The following CTNND2 variants were observed in gnomAD, a reference collection of about 807,000 sequenced individuals.
The protein encoded by CTNND2 is catenin delta 2.
Under a neutral mutation model 144.4 loss-of-function variants are expected in CTNND2, and 22 were observed. That is an observed-to-expected ratio of 0.15 (90% CI 0.11 to 0.22). The LOEUF (loss-of-function observed/expected upper bound fraction) is 0.22, where lower values mean the gene tolerates loss of function less well. Ranked by LOEUF, CTNND2 falls within the 10% of genes least tolerant of loss-of-function variation. The pLI is 1.00. For synonymous variants in CTNND2, 751 were observed against 695.6 expected, an observed-to-expected ratio of 1.08 and a Z score of -1.25; for missense variants, 1,353 against 1,618.8, an observed-to-expected ratio of 0.84 and a Z score of 2.82.
At chr5:11,250,465 C>CTT (rs1743447642) in intron 9 of CTNND2, among the ~76,000 whole-genome samples, 1 of 55,246 alleles carries the variant, frequency 1.8e-5, no homozygotes, top group East Asian at 4.8e-4. Flanking sequence ...TGCTCTCTCT[C>CTT]TCTCTCTCTC....
At chr5:11,030,754 G>GTTTTTTTT (rs61312361) in intron 16 of CTNND2, among the ~76,000 whole-genome samples, 10 of 100,712 alleles carry the variant, frequency 9.9e-5, no homozygotes, top group East Asian at 6.8e-4. Flanking sequence ...TATGGTTTCT[G>GTTTTTTTT]TTTTTTTTTT....
At chr5:11,653,408 G>A (rs903499113) in intron 2 of CTNND2, among the ~76,000 whole-genome samples, 2 of 151,748 alleles carry the variant, frequency 1.3e-5, no homozygotes, top group African/African-American at 2.4e-5. Flanking sequence ...TTATCATTTG[G>A]CTTTTTTATA....
intron 2 of CTNND2, among the ~76,000 whole-genome samples, chr5:11,578,632 G>C (rs1213482676): frequency 1.3e-5 from 2 of 151,984 alleles, no homozygotes; most frequent in Non-Finnish European, 2.9e-5. Flanking sequence ...CTGCACTCCA[G>C]CCTGGGCGAC....
intron 9 of CTNND2, among the ~76,000 whole-genome samples, chr5:11,312,133 TCCTCTCCC>T (rs1751022141): frequency 8.9e-5 from 6 of 67,782 alleles, no homozygotes; most frequent in Non-Finnish European, 1.2e-4. Flanking sequence ...TCCCCATACA[TCCTCTCCC>T]CCACCACACA....
intron 8 of CTNND2, among the ~76,000 whole-genome samples, chr5:11,352,059 C>G (rs547145824): frequency 6.6e-6 from 1 of 152,234 alleles, no homozygotes. Context: ...CAAGTTGATC[C>G]ATCTAAATTC....
intron 2 of CTNND2, among the ~76,000 whole-genome samples, chr5:11,698,962 T>C (rs180832739): frequency 1.1e-4 from 16 of 150,588 alleles, no homozygotes; most frequent in African/African-American, 3.4e-4. Flanking sequence ...ATGCATATTA[T>C]TTTGTGCTAT....
intron 2 of CTNND2, among the ~76,000 whole-genome samples, chr5:11,607,016 G>T (rs1780086503): frequency 1.3e-5 from 2 of 152,222 alleles, no homozygotes; most frequent in South Asian, 4.1e-4. Flanking sequence ...TTGTAAAAAG[G>T]AGAAATTTAG....
intron 1 of CTNND2, among the ~76,000 whole-genome samples, chr5:11,831,164 G>A (rs917410846): frequency 5.3e-5 from 8 of 150,960 alleles, no homozygotes; most frequent in Admixed American, 1.3e-4. Flanking sequence ...TAAAAATTCC[G>A]GCATATATTT....
chr5:11,798,134 T>C (rs4312880), intron 1 of CTNND2, among the ~76,000 whole-genome samples: 135,441 of 151,790 alleles, frequency 0.89, 62,237 homozygotes, highest in East Asian at 1. Context: ...TGGTGGTACA[T>C]GCCTGTAGTC....
intron 12 of CTNND2, among the ~76,000 whole-genome samples, chr5:11,147,670 A>C (rs36135112): frequency 4.0e-5 from 5 of 126,104 alleles, no homozygotes; most frequent in Non-Finnish European, 8.9e-5. Flanking sequence ...GAAAAAAAAA[A>C]AAAAAACTTT....
intron 1 of CTNND2, among the ~76,000 whole-genome samples, chr5:11,805,945 CATGTCAACAGTGT>C (rs1394202428): frequency 6.6e-6 from 1 of 152,136 alleles, no homozygotes; most frequent in African/African-American, 2.4e-5. Flanking sequence ...AATGGTCAGT[CATGTCAACAGTGT>C]ATACACTAAC....
intron 2 of CTNND2, among the ~76,000 whole-genome samples, chr5:11,587,321 G>A (rs1250889989): frequency 6.6e-6 from 1 of 151,922 alleles, no homozygotes; most frequent in African/African-American, 2.4e-5. Context: ...AGATTTCCTA[G>A]CTTTAAGACA....
intron 3 of CTNND2, among the ~76,000 whole-genome samples, chr5:11,540,910 T>C (rs575895311): frequency 1.3e-5 from 2 of 152,172 alleles, no homozygotes; most frequent in South Asian, 4.2e-4. Context: ...CAGGCAGGGG[T>C]TGAGTGAATA....
At chr5:11,383,517 T>C (rs1003167063) in intron 7 of CTNND2, among the ~76,000 whole-genome samples, 1 of 152,212 alleles carries the variant, frequency 6.6e-6, no homozygotes, top group African/African-American at 2.4e-5. Flanking sequence ...AATATTTTCA[T>C]TTCAGTAAAC....
intron 7 of CTNND2, among the ~76,000 whole-genome samples, chr5:11,373,253 C>CT (rs1007274445): frequency 6.6e-6 from 1 of 152,060 alleles, no homozygotes; most frequent in Non-Finnish European, 1.5e-5. Flanking sequence ...CTAGGGTGGA[C>CT]TTTTTTTAAG....
chr5:11,395,448 G>C (rs933159936), intron 6 of CTNND2, among the ~76,000 whole-genome samples: 1 of 152,186 alleles, frequency 6.6e-6, no homozygotes, highest in Non-Finnish European at 1.5e-5. Flanking sequence ...CCAGGTAAGT[G>C]AGTCTACCAG....
chr5:10,976,431 C>CA lies in CTNND2; in HGVS notation c.3418-2719_3418-2718insT, dbSNP rs1382149613. 2.0e-5 allele frequency among the ~76,000 whole-genome samples: 3 copies of CA among 152,118 alleles called. No individual in the cohort carries two copies. The East Asian group carries it at 5.8e-4, about 29-fold the overall frequency. On this transcript the variant is annotated intron_variant, in intron 21 of 21. Transcript: ENST00000304623. Reference sequence around the variant, plus strand: ...TGGATGAGGGATGTAGAATGATGCCCCAATAGAGCAGAGGGGATTTCTGAA... The same window carrying CA: ...TGGATGAGGGATGTAGAATGATGCCCACAATAGAGCAGAGGGGATTTCTGAA...
chr5:11,382,593 C>CTGTGTGTG (rs1491128983), intron 7 of CTNND2, among the ~76,000 whole-genome samples: 4 of 55,870 alleles, frequency 7.2e-5, no homozygotes, highest in African/African-American at 2.5e-4. Flanking sequence ...CAGAGTGAGA[C>CTGTGTGTG]TCTGTGTGTG....
chr5:11,296,662 G>C (rs923996879), intron 9 of CTNND2, among the ~76,000 whole-genome samples: 3 of 152,176 alleles, frequency 2.0e-5, no homozygotes, highest in Admixed American at 6.5e-5. Context: ...CATAAAAAAT[G>C]ATGAGTTCAT....
Sources: allele counts gnomAD v4.1 joint callset (sites outside exome capture counted in the v4.1 genomes callset), GRCh38; gene constraint gnomAD v4.1.1; transcripts MANE v1.5; gene names NCBI Gene and HGNC (gene_info 2026-07-23, HGNC 2026-07-21).